PDE4D: variants seen among roughly 807,000 people sequenced by gnomAD.
PDE4D encodes the protein phosphodiesterase 4D.
A neutral mutation model predicts 87.4 loss-of-function variants in PDE4D; 24 were observed. That is an observed-to-expected ratio of 0.27 (90% CI 0.20 to 0.39). The LOEUF is 0.39. Ranked by LOEUF, PDE4D falls within the 10% of genes least tolerant of loss-of-function variation. The pLI is 1.00. For synonymous variants in PDE4D, 384 were observed against 383.2 expected, an observed-to-expected ratio of 1.00 and a Z score of -0.02; for missense variants, 714 against 1,041.0, an observed-to-expected ratio of 0.69 and a Z score of 4.32.
At chr5:59,574,128 TTATATATATATATATAAATATATA>T (rs1822634965) in intron 1 of PDE4D, among the ~76,000 whole-genome samples, 1 of 3,826 alleles carries the variant, frequency 2.6e-4, no homozygotes, top group Non-Finnish European at 6.2e-4. Flanking sequence ...AAATATATAT[TTATATATATATATATAAATATATA>T]TTTATATATA....
At chr5:59,473,858 T>A (rs1802859243) in intron 1 of PDE4D, among the ~76,000 whole-genome samples, 1 of 152,166 alleles carries the variant, frequency 6.6e-6, no homozygotes, top group Non-Finnish European at 1.5e-5. Context: ...CAGCTTTTCA[T>A]CACTCAACAT....
rs190555613 is a variant in PDE4D, at chr5:60,098,547, C to T, written c.42+87010G>A. Among the ~76,000 whole-genome samples the T allele has an allele frequency of 2.3e-4, 35 of 151,960 alleles. 1 individual carries two copies. The East Asian group carries it at 5.2e-3, about 23-fold the overall frequency. ...TTTATTATTTTCATGCTATTGTAAA[C>T]GGACTGTCTTTGTAATTTCTTTCTC... On this transcript the variant is annotated intron_variant, in intron 2 of 16. Transcript: ENST00000502484.
chr5:59,866,243 A>G (rs1747019850), intron 1 of PDE4D, among the ~76,000 whole-genome samples: 1 of 152,158 alleles, frequency 6.6e-6, no homozygotes, highest in Non-Finnish European at 1.5e-5. Context: ...TTTATTGAAA[A>G]TCTTATTATC....
At chr5:60,448,663 G>A (rs566696431) in intron 1 of PDE4D, 15 of 152,258 alleles carry the variant, frequency 9.9e-5, no homozygotes, top group Admixed American at 7.9e-4. Context: ...TGGAACAGGA[G>A]TGTTGCTTCA....
intron 1 of PDE4D, among the ~76,000 whole-genome samples, chr5:59,678,558 G>A (rs551599125): frequency 1.4e-4 from 21 of 152,174 alleles, no homozygotes; most frequent in African/African-American, 4.8e-4. Flanking sequence ...CTCTACCTCT[G>A]GGGTTCAAGC....
chr5:59,117,556 A>G (rs1773807953), intron 5 of PDE4D, among the ~76,000 whole-genome samples: 1 of 152,130 alleles, frequency 6.6e-6, no homozygotes, highest in African/African-American at 2.4e-5. Flanking sequence ...CCCCTGGAGC[A>G]TTTCCTGGCT....
chr5:59,919,287 AG>A (rs1754412886), intron 3 of PDE4D, among the ~76,000 whole-genome samples: 1 of 152,206 alleles, frequency 6.6e-6, no homozygotes, highest in African/African-American at 2.4e-5. Context: ...GTGTGCTTAA[AG>A]TAAGGCTATA....
chr5:59,382,601 T>C (rs1786108378), intron 1 of PDE4D, among the ~76,000 whole-genome samples: 1 of 152,182 alleles, frequency 6.6e-6, no homozygotes, highest in South Asian at 2.1e-4. Flanking sequence ...TAAAGGCCAA[T>C]TCTCATAGTC....
chr5:60,157,142 C>T (rs552732308), intron 2 of PDE4D, among the ~76,000 whole-genome samples: 1 of 152,216 alleles, frequency 6.6e-6, no homozygotes, highest in African/African-American at 2.4e-5. Context: ...CCTTCATGAG[C>T]ATTGGGTATA....
chr5:59,836,642 C>CTATCTATCTATCTATCTATA (rs1554095477), intron 1 of PDE4D, among the ~76,000 whole-genome samples: 2,641 of 148,962 alleles, frequency 0.018, 61 homozygotes, highest in African/African-American at 0.058. Flanking sequence ...ATCTATCTAT[C>CTATCTATCTATCTATCTATA]TATCTATCTA....
At chr5:60,395,939 T>C (rs1208087881) in intron 1 of PDE4D, among the ~76,000 whole-genome samples, 7 of 152,104 alleles carry the variant, frequency 4.6e-5, no homozygotes, top group African/African-American at 1.7e-4. Context: ...CCAGGTTGTT[T>C]ACCACACAAA....
intron 3 of PDE4D, among the ~76,000 whole-genome samples, chr5:59,978,087 A>G (rs1761522725): frequency 6.6e-6 from 1 of 152,184 alleles, no homozygotes; most frequent in Non-Finnish European, 1.5e-5. Flanking sequence ...GGAGATGCAC[A>G]AGGAGGTTAA....
At chr5:59,961,778 G>A (rs1346132530) in intron 3 of PDE4D, among the ~76,000 whole-genome samples, 2 of 152,122 alleles carry the variant, frequency 1.3e-5, no homozygotes, top group African/African-American at 2.4e-5. Context: ...GTGCTGTAGG[G>A]AAAGGGGAGA....
At chr5:59,696,767 T>A (rs994691346) in intron 1 of PDE4D, among the ~76,000 whole-genome samples, 1 of 152,192 alleles carries the variant, frequency 6.6e-6, no homozygotes, top group Non-Finnish European at 1.5e-5. Flanking sequence ...TTGTCACTTG[T>A]ATTATTTTTT....
intron 1 of PDE4D, among the ~76,000 whole-genome samples, chr5:60,503,830 A>G (rs1336625431): frequency 6.6e-6 from 1 of 152,176 alleles, no homozygotes; most frequent in East Asian, 1.9e-4. Context: ...ACATTTGTTA[A>G]ACACCATCTG....
chr5:60,441,087 A>G (rs1261954152), intron 1 of PDE4D, among the ~76,000 whole-genome samples: 1 of 152,018 alleles, frequency 6.6e-6, no homozygotes, highest in African/African-American at 2.4e-5. Flanking sequence ...AACTAAAGCC[A>G]GGAAAAGCAT....
At chr5:58,980,996 TTGCCCTTCCCCCAATG>T (rs1744991531) in intron 11 of PDE4D, among the ~76,000 whole-genome samples, 1 of 152,008 alleles carries the variant, frequency 6.6e-6, no homozygotes, top group African/African-American at 2.4e-5. Flanking sequence ...AGAAAGCAAA[TTGCCCTTCCCCCAATG>T]TTTTGTTCTT....
At chr5:59,085,543 T>A (rs1164987487) in intron 5 of PDE4D, among the ~76,000 whole-genome samples, 1 of 152,332 alleles carries the variant, frequency 6.6e-6, no homozygotes, top group African/African-American at 2.4e-5. Context: ...GAATTTATCA[T>A]GCAAACAACT....
At chr5:60,088,366 TG>T (rs199509059) in intron 2 of PDE4D, among the ~76,000 whole-genome samples, 2,479 of 150,984 alleles carry the variant, frequency 0.016, 34 homozygotes, top group Middle Eastern at 0.058. Context: ...AACAGAAAAA[TG>T]CATAATTCTA....
Sources: gnomAD v4.1 joint callset for allele counts (sites outside exome capture counted in the v4.1 genomes callset) on GRCh38, gnomAD v4.1.1 for gene constraint, MANE v1.5 for transcripts, NCBI Gene and HGNC (gene_info 2026-07-23, HGNC 2026-07-21) for gene names.